The following PRRC2B variants were observed in gnomAD, a reference collection of about 807,000 sequenced individuals.
The protein encoded by PRRC2B is proline rich coiled-coil 2B, also known as protein PRRC2B.
In PRRC2B, 68 loss-of-function variants were observed where a neutral mutation model predicts 242.3. The observed-to-expected ratio is 0.28, with a 90% CI of 0.23 to 0.34. The LOEUF is 0.34. PRRC2B is among the 10% of genes least tolerant of loss of function. The pLI is 1.00. For missense variants in PRRC2B, 2,835 were observed against 2,954.8 expected (o/e 0.96, Z 0.94); for synonymous variants, 1,228 against 1,173.6 (o/e 1.05, Z -0.95).
chr9:131,399,196 A>G (rs1837152197), intron 1 of PRRC2B, among the ~76,000 whole-genome samples: 1 of 145,662 alleles, frequency 6.9e-6, no homozygotes, highest in Non-Finnish European at 1.5e-5. Context: ...AGAATCACTT[A>G]AACCTGGGAG....
At chr9:131,470,660 C>T in intron 13 of PRRC2B, 128 bp from the exon 14 acceptor site, 2 of 699,154 alleles carry the variant, frequency 2.9e-6, no homozygotes, top group Non-Finnish European at 4.8e-6. Flanking sequence ...CATCCCTCCC[C>T]TCCTTGGTCT....
At chr9:131,445,602 T>C (rs976521490) in intron 6 of PRRC2B, among the ~76,000 whole-genome samples, 7 of 152,142 alleles carry the variant, frequency 4.6e-5, no homozygotes, top group Non-Finnish European at 1.0e-4. Context: ...TGAGAAAACA[T>C]GGACAGAGGG....
intron 1 of PRRC2B, among the ~76,000 whole-genome samples, chr9:131,420,497 T>C (rs11243393): frequency 0.032 from 506 of 15,646 alleles, 2 homozygotes; most frequent in Non-Finnish European, 0.039. Flanking sequence ...TTCTTTCTTT[T>C]TTTTTTTTTT....
At position 131,483,393 on chromosome 9, in the gene PRRC2B, C is replaced by T; in HGVS notation, c.5408C>T (p.Ser1803Phe). 6.2e-7 allele frequency: 1 copy of T among 1,613,922 alleles called. No homozygotes were observed. The highest frequency in any genetic ancestry group is 8.5e-7 in the Non-Finnish European group (1 of 1,179,888). ...TTCAGCTTGCCACCTGGTTCTGCCT[C>T]TGGTCCTACTGGGAGTCCAGTTGTT... ...SDFSLPPGSA[S>F]GPTGSPVVKL... is the part of the protein sequence containing the mutation. The change falls in exon 23 of 32, where the codon TCT becomes TTT. Residue 1803 changes from serine (S) to phenylalanine (F), a missense_variant. Physicochemically the swap from Ser to Phe is radical, Grantham distance 155. This residue lies in a region of PRRC2B where 574 missense variants were observed against 626.0 expected (regional missense o/e 0.92). Transcript: ENST00000683519.
At chr9:131,402,321 T>C (rs1268918551) in intron 1 of PRRC2B, among the ~76,000 whole-genome samples, 2 of 152,226 alleles carry the variant, frequency 1.3e-5, no homozygotes, top group Non-Finnish European at 2.9e-5. Flanking sequence ...TACTCTTAAG[T>C]ACCTCATGTA....
chr9:131,407,949 A>G (rs1276119608), intron 1 of PRRC2B, among the ~76,000 whole-genome samples: 3 of 152,200 alleles, frequency 2.0e-5, no homozygotes, highest in African/African-American at 7.2e-5. Context: ...GGGCAGCCCG[A>G]TGGAGTATTT....
intron 11 of PRRC2B, among the ~76,000 whole-genome samples, chr9:131,464,229 A>G (rs1943327644): frequency 6.6e-6 from 1 of 152,248 alleles, no homozygotes; most frequent in Non-Finnish European, 1.5e-5. Context: ...GGCGTGAGCC[A>G]CTGCGCCCAG....
intron 1 of PRRC2B, among the ~76,000 whole-genome samples, chr9:131,428,938 C>T (rs372187081): frequency 2.0e-5 from 3 of 152,150 alleles, no homozygotes; most frequent in Non-Finnish European, 2.9e-5. Context: ...GGCCCTTGGT[C>T]GGCACTTAGT....
chr9:131,406,963 G>T (rs549099730), intron 1 of PRRC2B, among the ~76,000 whole-genome samples: 1 of 152,322 alleles, frequency 6.6e-6, no homozygotes, highest in Non-Finnish European at 1.5e-5. Flanking sequence ...CTGTGCATAT[G>T]AATTCTAAAC....
chr9:131,479,325 T>A lies in PRRC2B; in HGVS notation c.4832T>A (p.Leu1611Gln). 1 of 1,614,000 alleles carries A rather than the reference T, an allele frequency of 6.2e-7. No individual in the cohort carries two copies. Among genetic ancestry groups the A allele is most frequent in the Admixed American group, 1.7e-5 (1 of 60,028 alleles). Residue 1611 changes from leucine (L) to glutamine (Q), a missense_variant, in exon 19 of 32, where the codon CTG becomes CAG. Leu to Gln is a moderately radical substitution (Grantham distance 113). Coordinates refer to ENST00000683519, the MANE Select transcript of PRRC2B (RefSeq NM_013318.4). ...RFAKKQNNLC[L>Q]EQGDVTVPGS... ...GCAAAAAAGCAGAACAACTTATGTC[T>A]GGAGCAAGGTGACGTGACCGTGCCT...
chr9:131,474,467 T>G lies in PRRC2B; in HGVS notation c.2338T>G (p.Phe780Val), dbSNP rs763651864. 2.5e-6 allele frequency: 4 copies of G among 1,606,688 alleles called. No homozygotes were observed. The highest frequency in any genetic ancestry group is 3.4e-6 in the Non-Finnish European group (4 of 1,175,382). The change falls in exon 16 of 32, where the codon TTC (phenylalanine) becomes GTC (valine). Residue 780 changes from phenylalanine (F) to valine (V), a missense_variant. Physicochemically the swap from Phe to Val is conservative, Grantham distance 50. Around this residue, in one of 7 missense-constraint regions of PRRC2B, gnomAD observed 1,536 missense variants for 1,483.1 expected, o/e 1.04. Transcript: ENST00000683519. ...MDMRVRNESS[F>V]SASLGRAGGV... is the part of the protein sequence containing the mutation. ...GTTCCTTTTCAGGAATGAAAGCTCT[T>G]TCTCTGCCTCACTCGGAAGGGCAGG... is the stretch of plus-strand genomic sequence containing the variant.
intron 1 of PRRC2B, among the ~76,000 whole-genome samples, chr9:131,397,889 T>C (rs1837113668): frequency 1.3e-5 from 2 of 152,204 alleles, no homozygotes; most frequent in South Asian, 4.1e-4. Flanking sequence ...GTGCTCCAAA[T>C]CTTGTAATTT....
At chr9:131,459,634 C>T (rs76333879) in intron 11 of PRRC2B, among the ~76,000 whole-genome samples, 9,217 of 151,852 alleles carry the variant, frequency 0.061, 360 homozygotes, top group Admixed American at 0.12. Context: ...TCACCTCCCA[C>T]CCTCAAGCGA....
intron 1 of PRRC2B, among the ~76,000 whole-genome samples, chr9:131,376,518 C>G (rs1295460211): frequency 2.6e-5 from 4 of 152,088 alleles, no homozygotes; most frequent in Admixed American, 2.6e-4. Flanking sequence ...ACTACAATTC[C>G]CAGCCCCCTG....
intron 1 of PRRC2B, among the ~76,000 whole-genome samples, chr9:131,397,462 T>C (rs1322754072): frequency 6.6e-6 from 1 of 152,094 alleles, no homozygotes. Context: ...CTGAGGGATT[T>C]TTGTTATTAA....
At chr9:131,485,710 G>T in intron 25 of PRRC2B, 1 of 558,760 alleles carries the variant, frequency 1.8e-6, no homozygotes, top group African/African-American at 1.9e-5. Flanking sequence ...CTCCACTGTG[G>T]ACTCAATAGC....
chr9:131,496,009 T>C lies in PRRC2B; in HGVS notation c.*135T>C. On this transcript the variant is annotated 3_prime_UTR_variant, in exon 32 of 32. Transcript: ENST00000683519. ...CCCAGACTGAGAGACCTCCCTCCTCTCCACTCCCGAAAGCTCCGTTGTCAA... is the reference window on the plus strand; with the variant it reads ...CCCAGACTGAGAGACCTCCCTCCTCCCCACTCCCGAAAGCTCCGTTGTCAA... 8.2e-7 allele frequency: 1 copy of C among 1,225,746 alleles called. No individual in the cohort carries two copies. Among genetic ancestry groups the C allele is most frequent in the Admixed American group, 2.5e-5 (1 of 40,520 alleles). 75.9% of individuals were successfully genotyped at this position (1,225,746 alleles called of 1,614,324 possible). A position where few individuals can be genotyped will look rare whatever the true frequency, so the allele number is the denominator to read the frequency against.
At position 131,446,723 on chromosome 9, in the gene PRRC2B, C is replaced by A; in HGVS notation, c.855+81C>A. The stretch of plus-strand genomic sequence containing the variant: ...GATAGGTCAAGTGGTTGAATGTCCC[C>A]CTTGGGGTCTCCTCTTGGCCCTGTT... On this transcript the variant is annotated intron_variant, in intron 7 of 31. Transcript: ENST00000683519. This position sits in a 1 kb window ranked among gnomAD's most constrained non-coding sequence, Gnocchi z 4.1. The A allele has an allele frequency of 6.0e-6, 9 of 1,507,122 alleles. No homozygotes were observed. In the South Asian group the frequency reaches 1.1e-4, roughly 19 times the overall value. The allele number at this position is 1,507,122 out of a possible 1,614,324, so 93.4% of individuals were successfully genotyped here. A position where few individuals can be genotyped will look rare whatever the true frequency, so the allele number is the denominator to read the frequency against.
At chr9:131,493,524 A>G (rs540715732) in intron 30 of PRRC2B, among the ~76,000 whole-genome samples, 1 of 152,390 alleles carries the variant, frequency 6.6e-6, no homozygotes, top group East Asian at 1.9e-4. Context: ...TCACGGGACA[A>G]GAGTCGCCTG....
Sources: gnomAD v4.1 joint callset for allele counts (sites outside exome capture counted in the v4.1 genomes callset) on GRCh38, gnomAD v4.1.1 for gene constraint, gnomAD v4.1.1 regional missense constraint, Gnocchi (gnomAD v3.1) non-coding constraint, MANE v1.5 for transcripts, NCBI Gene and HGNC (gene_info 2026-07-23, HGNC 2026-07-21) for gene names.